MAGI1: variants seen among roughly 807,000 people sequenced by gnomAD.
MAGI1 encodes the protein membrane associated guanylate kinase, WW and PDZ domain containing 1, also known as membrane-associated guanylate kinase, WW and PDZ domain-containing protein 1.
In MAGI1, 58 loss-of-function variants were observed where a neutral mutation model predicts 139.9. The observed-to-expected ratio is 0.41, with a 90% CI of 0.34 to 0.52. MAGI1 has a LOEUF of 0.52. MAGI1 is among the 20% of genes least tolerant of loss of function. The probability of loss-of-function intolerance (pLI) is 0.12; values close to 1 mark genes in which losing one functional copy is unlikely to be tolerated. For synonymous variants in MAGI1, 812 were observed against 737.9 expected (o/e 1.10, Z -1.63); for missense variants, 1,874 against 1,901.6 (o/e 0.99, Z 0.27).
intron 2 of MAGI1, among the ~76,000 whole-genome samples, chr3:65,500,563 T>C (rs1370584605): frequency 6.6e-6 from 1 of 152,260 alleles, no homozygotes; most frequent in African/African-American, 2.4e-5. Flanking sequence ...TGGGAACTTA[T>C]CTGCGCTATC....
At chr3:65,870,469 G>A (rs1026056740) in intron 1 of MAGI1, among the ~76,000 whole-genome samples, 38 of 151,918 alleles carry the variant, frequency 2.5e-4, no homozygotes, top group African/African-American at 8.0e-4. Context: ...CCCTGGCCCC[G>A]GCTCCATGAA....
At chr3:65,905,316 G>A (rs1336213376) in intron 1 of MAGI1, among the ~76,000 whole-genome samples, 1 of 151,924 alleles carries the variant, frequency 6.6e-6, no homozygotes, top group Non-Finnish European at 1.5e-5. Flanking sequence ...CAAAATACAA[G>A]ACCCAACTTT....
At chr3:65,794,915 A>G (rs992430366) in intron 1 of MAGI1, among the ~76,000 whole-genome samples, 5 of 152,108 alleles carry the variant, frequency 3.3e-5, no homozygotes, top group African/African-American at 1.2e-4. Flanking sequence ...ACATTTCACC[A>G]CAAAGGATAT....
chr3:65,713,154 C>G (rs567178344), intron 1 of MAGI1, among the ~76,000 whole-genome samples: 37 of 152,286 alleles, frequency 2.4e-4, no homozygotes, highest in African/African-American at 8.4e-4. Context: ...TTGGCATTTG[C>G]AGCAGGCCCT....
At chr3:65,939,221 T>C (rs1342881664) in intron 1 of MAGI1, among the ~76,000 whole-genome samples, 2 of 152,162 alleles carry the variant, frequency 1.3e-5, no homozygotes, top group Non-Finnish European at 2.9e-5. Flanking sequence ...TCTATTTCCC[T>C]TTTTTAAAAA....
chr3:65,554,444 G>A (rs1482568210), intron 2 of MAGI1, among the ~76,000 whole-genome samples: 1 of 152,128 alleles, frequency 6.6e-6, no homozygotes, highest in African/African-American at 2.4e-5. Flanking sequence ...CATAAACCAA[G>A]AAGACCTTCT....
intron 1 of MAGI1, among the ~76,000 whole-genome samples, chr3:65,953,144 A>G (rs1282099020): frequency 6.6e-6 from 1 of 152,218 alleles, no homozygotes; most frequent in Non-Finnish European, 1.5e-5. Flanking sequence ...AACGAAAACA[A>G]GCAACAAGAC....
chr3:65,366,826 T>TTA (rs1941461378), intron 18 of MAGI1, among the ~76,000 whole-genome samples: 1 of 152,200 alleles, frequency 6.6e-6, no homozygotes, highest in Non-Finnish European at 1.5e-5. Flanking sequence ...CATCATAATG[T>TTA]TAAAAGCATA....
In MAGI1 at chr3:65,896,063, T is replaced by C. The variant is rs564540632; in HGVS notation, c.313+141933A>G. Among the ~76,000 whole-genome samples the C allele has an allele frequency of 2.0e-5, 3 of 152,214 alleles. No individual in the cohort carries two copies. The East Asian group carries it at 5.8e-4, about 29-fold the overall frequency. ...GATGCTGCAAGGACCAGCTCAATAG[T>C]ACCTAACAGCCTGGCTGACATGGGG... On this transcript the variant is annotated intron_variant, in intron 1 of 22. Transcript: ENST00000402939.
chr3:65,588,044 C>T (rs867275523), intron 2 of MAGI1, among the ~76,000 whole-genome samples: 21 of 152,170 alleles, frequency 1.4e-4, no homozygotes, highest in African/African-American at 4.3e-4. Flanking sequence ...TCCTTAGAGG[C>T]TCCTTTTCTG....
intron 1 of MAGI1, among the ~76,000 whole-genome samples, chr3:65,816,662 C>T (rs2041623701): frequency 2.0e-5 from 3 of 151,838 alleles, no homozygotes; most frequent in Admixed American, 1.3e-4. Context: ...AAGATCAATG[C>T]CATGGAAAAT....
intron 1 of MAGI1, among the ~76,000 whole-genome samples, chr3:65,819,023 T>C (rs965185021): frequency 6.6e-6 from 1 of 151,282 alleles, no homozygotes; most frequent in African/African-American, 2.4e-5. Context: ...CAGTGGCTCA[T>C]GCTTTGTAAT....
intron 2 of MAGI1, among the ~76,000 whole-genome samples, chr3:65,610,765 CAT>C (rs1163685151): frequency 0.018 from 475 of 27,058 alleles, 17 homozygotes; most frequent in African/African-American, 0.045. Flanking sequence ...ATATATATAG[CAT>C]ATATATATAC....
chr3:65,365,325 G>T, intron 18 of MAGI1: 1 of 394,776 alleles, frequency 2.5e-6, no homozygotes, highest in Non-Finnish European at 4.9e-6. Context: ...TTTAAAGTCT[G>T]ATAATTAATG....
At chr3:65,837,508 C>G (rs1301155872) in intron 1 of MAGI1, among the ~76,000 whole-genome samples, 1 of 152,168 alleles carries the variant, frequency 6.6e-6, no homozygotes, top group Non-Finnish European at 1.5e-5. Flanking sequence ...ACAAGGGAAC[C>G]ATAACCAGTA....
chr3:65,782,506 A>T (rs1386503261), intron 1 of MAGI1, among the ~76,000 whole-genome samples: 1 of 151,874 alleles, frequency 6.6e-6, no homozygotes, highest in Non-Finnish European at 1.5e-5. Flanking sequence ...GTGTTACAGC[A>T]GCAAATAAGA....
chr3:65,550,295 A>G (rs976106811), intron 2 of MAGI1, among the ~76,000 whole-genome samples: 1 of 152,230 alleles, frequency 6.6e-6, no homozygotes, highest in East Asian at 1.9e-4. Context: ...AAGGTCACTC[A>G]GCTAAGAAAT....
intron 1 of MAGI1, among the ~76,000 whole-genome samples, chr3:65,786,251 C>CTTTTTTTT (rs3077812): frequency 8.7e-6 from 1 of 114,830 alleles, no homozygotes; most frequent in African/African-American, 3.4e-5. Flanking sequence ...CCAATCATAA[C>CTTTTTTTT]TTTTTTTTTT....
chr3:65,545,693 G>A (rs995519433), intron 2 of MAGI1, among the ~76,000 whole-genome samples: 5 of 151,902 alleles, frequency 3.3e-5, no homozygotes, highest in Admixed American at 6.6e-5. Flanking sequence ...AAGACTTCTC[G>A]AGAGGCCTCC....
Sources: allele counts gnomAD v4.1 joint callset (sites outside exome capture counted in the v4.1 genomes callset), GRCh38; gene constraint gnomAD v4.1.1; transcripts MANE v1.5; gene names NCBI Gene and HGNC (gene_info 2026-07-23, HGNC 2026-07-21).